The following CDH4 variants were observed in gnomAD, a reference collection of about 807,000 sequenced individuals.
The protein encoded by CDH4 is cadherin-4.
In CDH4, 33 loss-of-function variants were observed where a neutral mutation model predicts 86.0. That is an observed-to-expected ratio of 0.38 (90% CI 0.29 to 0.51). The LOEUF (loss-of-function observed/expected upper bound fraction) is 0.51. Among genes scored for constraint, CDH4 ranks in the 20% least tolerant of loss-of-function variants. The probability of loss-of-function intolerance (pLI) is 0.86; values close to 1 mark genes in which losing one functional copy is unlikely to be tolerated. For missense variants in CDH4, 1,114 were observed against 1,307.4 expected (o/e 0.85, Z 2.28); for synonymous variants, 555 against 549.4 (o/e 1.01, Z -0.14).
chr20:61,800,913 G>A (rs575497043), intron 4 of CDH4, among the ~76,000 whole-genome samples: 30 of 152,334 alleles, frequency 2.0e-4, no homozygotes, highest in Non-Finnish European at 3.7e-4. Flanking sequence ...CAGTGGCCTC[G>A]GGCCCATCTG....
rs556841701 is a variant in CDH4, at chr20:61,838,609, T to C, written c.577-6059T>C. Reference sequence around the variant, plus strand: ...GGCAGATCACCTGAGGTTGAGAAGTTCAAGACGGGCAACATGGTGAAACCC... The same window carrying C: ...GGCAGATCACCTGAGGTTGAGAAGTCCAAGACGGGCAACATGGTGAAACCC... On this transcript the variant is annotated intron_variant, in intron 4 of 15. Transcript: ENST00000614565. Among the ~76,000 whole-genome samples the C allele has an allele frequency of 2.1e-4, 32 of 152,062 alleles. No individual in the cohort carries two copies. The South Asian group carries it at 6.7e-3, about 32-fold the overall frequency.
At chr20:61,297,776 G>A (rs537043628) in intron 2 of CDH4, among the ~76,000 whole-genome samples, 17 of 152,376 alleles carry the variant, frequency 1.1e-4, no homozygotes, top group African/African-American at 4.1e-4. Flanking sequence ...CCCCTTTACC[G>A]GGGCTTCCCA....
intron 4 of CDH4, among the ~76,000 whole-genome samples, chr20:61,803,909 C>T (rs911661183): frequency 3.3e-5 from 5 of 152,374 alleles, no homozygotes; most frequent in African/African-American, 1.2e-4. Flanking sequence ...GGCCGGCCCC[C>T]GCTGCGTCTG....
At chr20:61,726,356 G>A (rs1488281212) in intron 2 of CDH4, among the ~76,000 whole-genome samples, 1 of 152,072 alleles carries the variant, frequency 6.6e-6, no homozygotes, top group African/African-American at 2.4e-5. Flanking sequence ...TTCTGCTTGG[G>A]AACCCCCTCC....
intron 2 of CDH4, among the ~76,000 whole-genome samples, chr20:61,460,412 C>T (rs1448522441): frequency 6.6e-6 from 1 of 152,206 alleles, no homozygotes; most frequent in Non-Finnish European, 1.5e-5. Flanking sequence ...ACCTTGATGC[C>T]TGGCCTCATT....
At chr20:61,800,283 G>A (rs1162006104) in intron 4 of CDH4, among the ~76,000 whole-genome samples, 3 of 152,216 alleles carry the variant, frequency 2.0e-5, no homozygotes, top group East Asian at 3.9e-4. Flanking sequence ...GCCGCCAGGG[G>A]GGCAGAGCTC....
At chr20:61,828,796 G>C (rs567170451) in intron 4 of CDH4, among the ~76,000 whole-genome samples, 1 of 152,332 alleles carries the variant, frequency 6.6e-6, no homozygotes, top group South Asian at 2.1e-4. Context: ...CTGCCTCAGC[G>C]TATGCTTGTA....
intron 2 of CDH4, among the ~76,000 whole-genome samples, chr20:61,283,828 G>C (rs2084278320): frequency 6.6e-6 from 1 of 152,242 alleles, no homozygotes; most frequent in Admixed American, 6.5e-5. Flanking sequence ...CGATGTTTCA[G>C]AAAGGTGGTG....
rs143644164 is a variant in CDH4 at position 61,739,892 on chromosome 20, G to A, written c.170-3671G>A. Reference sequence around the variant, plus strand: ...TCAGGCTCAGCCTCCAGCCACATTCGTAGAGAGGCAAAGCAGAATCCAAAT... The same window carrying A: ...TCAGGCTCAGCCTCCAGCCACATTCATAGAGAGGCAAAGCAGAATCCAAAT... On this transcript the variant is annotated intron_variant, in intron 2 of 15. Coordinates refer to ENST00000614565, the MANE Select transcript of CDH4 (RefSeq NM_001794.5). Among the ~76,000 whole-genome samples, 466 of 152,336 alleles carry A rather than the reference G, an allele frequency of 3.1e-3. 5 individuals carry two copies. Among genetic ancestry groups the A allele is most frequent in the East Asian group, 3.5e-3 (18 of 5,188 alleles).
chr20:61,745,847 A>C (rs2088407698), intron 3 of CDH4, among the ~76,000 whole-genome samples: 2 of 152,180 alleles, frequency 1.3e-5, no homozygotes, highest in South Asian at 2.1e-4. Flanking sequence ...GCCTCCGATA[A>C]AGGCTCTAAT....
At chr20:61,878,308 C>T (rs539900553) in intron 7 of CDH4, among the ~76,000 whole-genome samples, 7 of 152,182 alleles carry the variant, frequency 4.6e-5, no homozygotes, top group Non-Finnish European at 1.0e-4. Flanking sequence ...ATGCAGCCCC[C>T]GGCTGGAAGG....
intron 2 of CDH4, among the ~76,000 whole-genome samples, chr20:61,304,276 C>G (rs565444220): frequency 6.6e-6 from 1 of 152,082 alleles, no homozygotes; most frequent in Admixed American, 6.6e-5. Flanking sequence ...CCCCCAACCC[C>G]CCGTTCTTTG....
In CDH4 at chr20:61,544,483, C is replaced by T. The variant is rs997608481; in HGVS notation, c.170-199080C>T. On this transcript the variant is annotated intron_variant, in intron 2 of 15. Transcript: ENST00000614565. The surrounding 1 kb of genome is among the most constrained non-coding windows in gnomAD (Gnocchi z 6.5). Reference sequence around the variant, plus strand: ...GGGAGCCGCAGGGCATCGGGGTCTTCGAAGGAAAGCCCGTGGATTATGCAT... The same window carrying T: ...GGGAGCCGCAGGGCATCGGGGTCTTTGAAGGAAAGCCCGTGGATTATGCAT... Among the ~76,000 whole-genome samples the T allele has an allele frequency of 6.6e-6, 1 of 151,702 alleles. No individual in the cohort carries two copies. The highest frequency in any genetic ancestry group is 1.5e-5 in the Non-Finnish European group (1 of 67,948).
At chr20:61,410,443 A>ATCCG (rs2085111846) in intron 2 of CDH4, among the ~76,000 whole-genome samples, 1 of 38,538 alleles carries the variant, frequency 2.6e-5, no homozygotes, top group Non-Finnish European at 1.4e-4. Context: ...CCACTGGTCC[A>ATCCG]TCCATCCATC....
intron 7 of CDH4, among the ~76,000 whole-genome samples, chr20:61,880,385 A>G (rs1984224694): frequency 6.6e-6 from 1 of 152,144 alleles, no homozygotes; most frequent in Non-Finnish European, 1.5e-5. Flanking sequence ...GTCTTGCAGA[A>G]AAAAAAATAT....
rs368928074 is a variant in CDH4, at chr20:61,928,507, G to A, written c.2005+84G>A. 30 of 1,174,426 alleles carry A rather than the reference G, an allele frequency of 2.6e-5. No individual in the cohort carries two copies. In the East Asian group the frequency reaches 7.3e-4, roughly 28 times the overall value. The allele number at this position is 1,174,426 out of a possible 1,614,324, so 72.8% of individuals were successfully genotyped here. A position where few individuals can be genotyped will look rare whatever the true frequency, so the allele number is the denominator to read the frequency against. On this transcript the variant is annotated intron_variant, in intron 12 of 15. Coordinates refer to ENST00000614565, the MANE Select transcript of CDH4 (RefSeq NM_001794.5). ...AGACCCAGCTGGCCTTGGAAGAGTG[G>A]GCACCAGAGGTGGGTGACAGTCCTC...
At chr20:61,386,312 A>T (rs2084950418) in intron 2 of CDH4, among the ~76,000 whole-genome samples, 1 of 152,144 alleles carries the variant, frequency 6.6e-6, no homozygotes, top group Non-Finnish European at 1.5e-5. Flanking sequence ...TGATGCTGAC[A>T]GTGCTGCCCA....
At chr20:61,284,000 AG>A (rs1319443709) in intron 2 of CDH4, among the ~76,000 whole-genome samples, 1 of 152,112 alleles carries the variant, frequency 6.6e-6, no homozygotes, top group African/African-American at 2.4e-5. Flanking sequence ...GGAGAGGCTG[AG>A]CACTTAAAAA....
chr20:61,847,760 G>A (rs1446719665), intron 5 of CDH4, among the ~76,000 whole-genome samples: 1 of 152,176 alleles, frequency 6.6e-6, no homozygotes, highest in Non-Finnish European at 1.5e-5. Flanking sequence ...GTGAAGGGGA[G>A]CAGACGTCCC....
Sources: allele counts gnomAD v4.1 joint callset (sites outside exome capture counted in the v4.1 genomes callset), GRCh38; gene constraint gnomAD v4.1.1; non-coding constraint Gnocchi (gnomAD v3.1); transcripts MANE v1.5; gene names NCBI Gene and HGNC (gene_info 2026-07-23, HGNC 2026-07-21).